KCNQ5: variants seen among roughly 807,000 people sequenced by gnomAD.
KCNQ5 encodes potassium voltage-gated channel subfamily KQT member 5.
KCNQ5 carries 30 observed loss-of-function variants against 98.2 expected under a neutral mutation model. The observed-to-expected ratio is 0.31, with a 90% CI of 0.23 to 0.41. KCNQ5 has a LOEUF of 0.41. KCNQ5 is among the 10% of genes least tolerant of loss of function. The pLI is 1.00. For synonymous variants in KCNQ5, 458 were observed against 449.4 expected (o/e 1.02, Z -0.24); for missense variants, 835 against 1,182.5 (o/e 0.71, Z 4.31).
intron 5 of KCNQ5, 129 bp from the exon 6 acceptor site, chr6:73,105,128 C>T: frequency 1.9e-6 from 1 of 521,072 alleles, no homozygotes. Flanking sequence ...AATTAAAGCA[C>T]AGTAATAAAA....
intron 11 of KCNQ5, among the ~76,000 whole-genome samples, chr6:73,185,324 G>A (rs1266938553): frequency 6.6e-6 from 1 of 152,072 alleles, no homozygotes; most frequent in African/African-American, 2.4e-5. Flanking sequence ...TGGGAGCATA[G>A]GCATGTGCCA....
intron 2 of KCNQ5, among the ~76,000 whole-genome samples, chr6:73,012,845 T>A (rs193210873): frequency 2.1e-5 from 3 of 145,954 alleles, no homozygotes; most frequent in East Asian, 2.0e-4. Flanking sequence ...TTAAAAAAAA[T>A]TAAATGAAAT....
chr6:72,766,779 A>G (rs919071389), intron 1 of KCNQ5, among the ~76,000 whole-genome samples: 1 of 151,934 alleles, frequency 6.6e-6, no homozygotes, highest in African/African-American at 2.4e-5. Context: ...TTGGGGATCA[A>G]ATGTTTGCAT....
chr6:72,848,541 G>A (rs1777110131), intron 1 of KCNQ5, among the ~76,000 whole-genome samples: 1 of 152,026 alleles, frequency 6.6e-6, no homozygotes, highest in Non-Finnish European at 1.5e-5. Context: ...TGAAGAGAGG[G>A]GGACCCTGAC....
Position 72,827,509 on chromosome 6 carries a change from T to C in KCNQ5, c.399-176399T>C, listed in dbSNP as rs530700949. On this transcript the variant is annotated intron_variant, in intron 1 of 13. Transcript: ENST00000370398. ...GTCAAGCATTTTTAAATACATTTGTTGGCCATTTGTATATCTTCCTTTTAT... is the reference window on the plus strand; with the variant it reads ...GTCAAGCATTTTTAAATACATTTGTCGGCCATTTGTATATCTTCCTTTTAT... Among the ~76,000 whole-genome samples, 8 of 152,308 alleles carry C rather than the reference T, an allele frequency of 5.3e-5. No individual in the cohort carries two copies. The South Asian group carries it at 1.7e-3, about 32-fold the overall frequency.
chr6:72,778,611 A>T (rs1451537209), intron 1 of KCNQ5, among the ~76,000 whole-genome samples: 1 of 31,048 alleles, frequency 3.2e-5, no homozygotes, highest in East Asian at 9.4e-4. Flanking sequence ...TCCCACCACA[A>T]AAAAAAAGGT....
chr6:72,744,623 C>T (rs977636461), intron 1 of KCNQ5, among the ~76,000 whole-genome samples: 27 of 151,874 alleles, frequency 1.8e-4, no homozygotes, highest in African/African-American at 5.6e-4. Flanking sequence ...CCAGCCTGGC[C>T]GACATGGTGA....
intron 1 of KCNQ5, among the ~76,000 whole-genome samples, chr6:72,838,016 A>C (rs1250040752): frequency 6.6e-6 from 1 of 151,688 alleles, no homozygotes; most frequent in Non-Finnish European, 1.5e-5. Context: ...GGTTTGTTAC[A>C]TATGTATACA....
intron 1 of KCNQ5, among the ~76,000 whole-genome samples, chr6:72,771,978 C>T (rs1014117960): frequency 3.9e-5 from 6 of 151,980 alleles, no homozygotes; most frequent in African/African-American, 1.4e-4. Context: ...GGGAGATAGT[C>T]TATGGTTTTC....
At chr6:73,097,770 T>C (rs1259274269) in intron 5 of KCNQ5, among the ~76,000 whole-genome samples, 3 of 152,194 alleles carry the variant, frequency 2.0e-5, no homozygotes, top group Non-Finnish European at 4.4e-5. Flanking sequence ...ACCAAGGTGA[T>C]ACATCTACAA....
chr6:72,977,394 C>T (rs1562105495), intron 1 of KCNQ5, among the ~76,000 whole-genome samples: 1 of 152,104 alleles, frequency 6.6e-6, no homozygotes, highest in Non-Finnish European at 1.5e-5. Context: ...AGAAACCAGC[C>T]GGACCTGCCT....
At chr6:72,646,290 T>A (rs1388868211) in intron 1 of KCNQ5, among the ~76,000 whole-genome samples, 3 of 151,462 alleles carry the variant, frequency 2.0e-5, no homozygotes, top group Non-Finnish European at 4.4e-5. Context: ...GAAAAATACA[T>A]CTTCATTTGA....
At chr6:73,031,253 G>A (rs1462220681) in intron 2 of KCNQ5, among the ~76,000 whole-genome samples, 1 of 152,156 alleles carries the variant, frequency 6.6e-6, no homozygotes, top group Non-Finnish European at 1.5e-5. Flanking sequence ...CCATAGGAGT[G>A]AAATTAGGTA....
intron 5 of KCNQ5, among the ~76,000 whole-genome samples, chr6:73,103,734 G>A (rs1243381334): frequency 3.2e-5 from 4 of 124,804 alleles, no homozygotes; most frequent in African/African-American, 1.2e-4. Context: ...AGAGAGGGAA[G>A]CGGAGATGGT....
At chr6:72,811,666 C>T (rs1249809789) in intron 1 of KCNQ5, among the ~76,000 whole-genome samples, 1 of 152,112 alleles carries the variant, frequency 6.6e-6, no homozygotes, top group Non-Finnish European at 1.5e-5. Context: ...ATTCTTTCTG[C>T]CCCAGTAGAT....
At chr6:72,912,237 G>A (rs1779971088) in intron 1 of KCNQ5, among the ~76,000 whole-genome samples, 1 of 152,136 alleles carries the variant, frequency 6.6e-6, no homozygotes, top group Admixed American at 6.5e-5. Context: ...TGTGGTGGTA[G>A]CACAGGGCTA....
At chr6:73,181,455 GA>G (rs1339234954) in intron 11 of KCNQ5, among the ~76,000 whole-genome samples, 5 of 152,172 alleles carry the variant, frequency 3.3e-5, no homozygotes, top group African/African-American at 1.2e-4. Flanking sequence ...GAATATTCAT[GA>G]AAGAAAGGAT....
intron 1 of KCNQ5, among the ~76,000 whole-genome samples, chr6:72,860,591 T>A (rs927826432): frequency 6.6e-6 from 1 of 152,114 alleles, no homozygotes; most frequent in African/African-American, 2.4e-5. Context: ...TGTATATTAT[T>A]TTTCTTCTTT....
intron 1 of KCNQ5, among the ~76,000 whole-genome samples, chr6:72,667,559 C>T (rs967176457): frequency 6.6e-6 from 1 of 152,030 alleles, no homozygotes; most frequent in African/African-American, 2.4e-5. Context: ...TATATTGTCT[C>T]AAAGTATTTC....
Sources: gnomAD v4.1 joint callset for allele counts (sites outside exome capture counted in the v4.1 genomes callset) on GRCh38, gnomAD v4.1.1 for gene constraint, MANE v1.5 for transcripts, NCBI Gene and HGNC (gene_info 2026-07-23, HGNC 2026-07-21) for gene names.